FNDC3A: variants seen among roughly 807,000 people sequenced by gnomAD.
The protein encoded by FNDC3A is fibronectin type III domain containing 3A.
Under a neutral mutation model 148.9 loss-of-function variants are expected in FNDC3A, and 32 were observed. The ratio of observed to expected loss-of-function variants is 0.21; its 90% CI spans 0.16 to 0.29. The LOEUF is 0.29. FNDC3A is among the 10% of genes least tolerant of loss of function. The pLI, the probability that FNDC3A is intolerant of heterozygous loss-of-function variation, is 1.00. For synonymous variants in FNDC3A, 472 were observed against 473.6 expected (o/e 1.00, Z 0.04); for missense variants, 1,191 against 1,452.8 (o/e 0.82, Z 2.93).
rs943910554 is a variant in FNDC3A, at chr13:48,982,320, A to G, written c.-40+6143A>G. 3.3e-5 allele frequency among the ~76,000 whole-genome samples: 5 copies of G among 152,024 alleles called. No individual in the cohort carries two copies. In the East Asian group the frequency reaches 7.7e-4, roughly 23 times the overall value. ...TGTTCTTATGACTTGATTTTTTTCC[A>G]TGTAATATTTTCATTTGTAATATAT... is the stretch of plus-strand genomic sequence containing the variant. On this transcript the variant is annotated intron_variant, in intron 1 of 25. Transcript: ENST00000492622.
intron 2 of FNDC3A, among the ~76,000 whole-genome samples, chr13:49,051,859 G>C (rs1482340220): frequency 6.6e-6 from 1 of 152,064 alleles, no homozygotes; most frequent in Non-Finnish European, 1.5e-5. Flanking sequence ...TGGAGGCTTT[G>C]TTCATATTTT....
chr13:49,166,405 A>G (rs1016794408), intron 8 of FNDC3A, among the ~76,000 whole-genome samples: 4 of 152,104 alleles, frequency 2.6e-5, no homozygotes, highest in Admixed American at 6.5e-5. Flanking sequence ...GGGGCTCCAG[A>G]CATGTGGAGA....
At chr13:49,174,640 AT>A (rs2138062251) in intron 12 of FNDC3A, 81 bp downstream of exon 12, 1 of 1,251,436 alleles carries the variant, frequency 8.0e-7, no homozygotes. Context: ...TACTGTCCAA[AT>A]TATTCATTAA....
At chr13:49,201,727 C>A in intron 23 of FNDC3A, 73 bp from the exon 24 acceptor site, 1 of 722,650 alleles carries the variant, frequency 1.4e-6, no homozygotes, top group Non-Finnish European at 2.1e-6. Context: ...TGTTTTTATA[C>A]TAGTTTGTAA....
chr13:49,064,411 C>CCCAA (rs1555286179), intron 2 of FNDC3A, among the ~76,000 whole-genome samples: 21 of 90,054 alleles, frequency 2.3e-4, no homozygotes, highest in African/African-American at 4.4e-4. Flanking sequence ...GCCCCCCCCC[C>CCCAA]AAAAAAAAAA....
At chr13:49,019,513 A>G (rs1480938023) in intron 2 of FNDC3A, among the ~76,000 whole-genome samples, 1 of 152,122 alleles carries the variant, frequency 6.6e-6, no homozygotes, top group African/African-American at 2.4e-5. Flanking sequence ...GGCACTCCCT[A>G]GTGAGATGAA....
chr13:49,017,961 C>T (rs370727929), intron 2 of FNDC3A, among the ~76,000 whole-genome samples: 3 of 152,122 alleles, frequency 2.0e-5, no homozygotes, highest in Admixed American at 6.5e-5. Flanking sequence ...GAGTTTCTGC[C>T]GAGAGATCCG....
intron 2 of FNDC3A, among the ~76,000 whole-genome samples, chr13:49,023,949 G>C (rs775021680): frequency 6.6e-6 from 1 of 151,818 alleles, no homozygotes; most frequent in Non-Finnish European, 1.5e-5. Flanking sequence ...AAAACCAAAA[G>C]TGAGTTTCTT....
chr13:48,978,563 G>A lies in FNDC3A; in HGVS notation c.-40+2386G>A, dbSNP rs958591100. On this transcript the variant is annotated intron_variant, in intron 1 of 25. Transcript: ENST00000492622. ...GCATTTTTGAATGAAAATGAATCTA[G>A]ATCGTGTCTTTGAGAATGGTGTAGG... Among the ~76,000 whole-genome samples, 5 of 151,924 alleles carry A rather than the reference G, an allele frequency of 3.3e-5. No individual in the cohort carries two copies. The East Asian group carries it at 9.7e-4, about 29-fold the overall frequency.
intron 2 of FNDC3A, among the ~76,000 whole-genome samples, chr13:49,065,465 G>A (rs555371456): frequency 6.6e-6 from 1 of 152,290 alleles, no homozygotes; most frequent in African/African-American, 2.4e-5. Context: ...CTATTTATCT[G>A]TTTATTGCCA....
Position 49,176,876 on chromosome 13 carries a change from C to T in FNDC3A, c.1530+1335C>T, listed in dbSNP as rs966650706. 4.6e-5 allele frequency among the ~76,000 whole-genome samples: 7 copies of T among 152,198 alleles called. No individual in the cohort carries two copies. In the South Asian group the frequency reaches 6.2e-4, roughly 13 times the overall value. On this transcript the variant is annotated intron_variant, in intron 13 of 25. Transcript: ENST00000492622. ...AGTGCAGTGGCACAATCTCAGTTCA[C>T]TTCAGCCTTGAACTCCTGGGCTCAG... is the stretch of plus-strand genomic sequence containing the variant.
chr13:49,042,355 C>A (rs750684869), intron 2 of FNDC3A, among the ~76,000 whole-genome samples: 4 of 152,162 alleles, frequency 2.6e-5, no homozygotes, highest in Non-Finnish European at 4.4e-5. Flanking sequence ...ATTACTCTTA[C>A]AACTATTTTA....
chr13:49,191,347 CAT>C lies in FNDC3A; in HGVS notation c.2191_2192del (p.Tyr731GlnfsTer8). 6.2e-7 allele frequency: 1 copy of C among 1,609,952 alleles called. No homozygotes were observed. Among genetic ancestry groups the C allele is most frequent in the Non-Finnish European group, 8.5e-7 (1 of 1,178,832 alleles). On this transcript the variant is annotated frameshift_variant, in exon 19 of 26. Coordinates refer to ENST00000492622, the MANE Select transcript of FNDC3A (RefSeq NM_001079673.2). LOFTEE classifies it high-confidence loss of function. ...GTGAGCAGCCTTCTTCCTGGAAAGA[CAT>C]ACAGCTTCAGACTACGTGCAGCTAA...
In FNDC3A at chr13:49,203,182, T is replaced by A. The variant is rs1200869626; in HGVS notation, c.3180T>A (p.Asp1060Glu). ...CCCCCAAAATAGAGAAAGTAAATGA[T>A]CACATTTGTGAAATTACATGGGAGT... ...LKAPKIEKVNDHICEITWECL... is the reference protein window; with the variant it reads ...LKAPKIEKVNEHICEITWECL... The change falls in exon 25 of 26, where the codon GAT becomes GAA. Residue 1060 changes from aspartate (D) to glutamate (E), a missense_variant. Around this residue, in one of 3 missense-constraint regions of FNDC3A, gnomAD observed 751 missense variants for 944.0 expected, o/e 0.80. Transcript: ENST00000492622. The A allele has an allele frequency of 6.2e-7, 1 of 1,602,848 alleles. No homozygotes were observed. Among genetic ancestry groups the A allele is most frequent in the South Asian group, 1.1e-5 (1 of 89,730 alleles).
chr13:49,054,309 A>G (rs1320910617), intron 2 of FNDC3A, among the ~76,000 whole-genome samples: 5 of 152,240 alleles, frequency 3.3e-5, no homozygotes, highest in African/African-American at 9.6e-5. Context: ...GTAGTATATT[A>G]AAACATAATT....
intron 8 of FNDC3A, among the ~76,000 whole-genome samples, chr13:49,156,616 C>T (rs1029989696): frequency 2.1e-4 from 31 of 150,836 alleles, no homozygotes; most frequent in East Asian, 7.8e-4. Context: ...TTCCTATTCT[C>T]GATGGTCTTT....
chr13:49,068,450 A>G (rs1369473804), intron 2 of FNDC3A, among the ~76,000 whole-genome samples: 1 of 152,178 alleles, frequency 6.6e-6, no homozygotes, highest in Non-Finnish European at 1.5e-5. Flanking sequence ...CAGAAAATCT[A>G]ATAGTGGTGA....
chr13:49,012,730 T>C (rs975900599), intron 2 of FNDC3A, among the ~76,000 whole-genome samples: 1 of 151,808 alleles, frequency 6.6e-6, no homozygotes, highest in Non-Finnish European at 1.5e-5. Flanking sequence ...AGTTTTATAA[T>C]TTTTCCCATA....
intron 8 of FNDC3A, among the ~76,000 whole-genome samples, chr13:49,159,423 T>C (rs1050930106): frequency 1.3e-5 from 2 of 152,238 alleles, no homozygotes; most frequent in African/African-American, 2.4e-5. Context: ...TCTGTTTGTC[T>C]GTTATTGGTG....
Sources: allele counts gnomAD v4.1 joint callset (sites outside exome capture counted in the v4.1 genomes callset), GRCh38; gene constraint gnomAD v4.1.1; regional missense constraint gnomAD v4.1.1; transcripts MANE v1.5; gene names NCBI Gene and HGNC (gene_info 2026-07-23, HGNC 2026-07-21).